Variants in CASP8 observed in about 807,000 individuals in gnomAD.
CASP8 encodes the protein caspase 8, also known as caspase-8.
A neutral mutation model predicts 46.3 loss-of-function variants in CASP8; 24 were observed. That is an observed-to-expected ratio of 0.52 (90% CI 0.38 to 0.73). The LOEUF (loss-of-function observed/expected upper bound fraction) is 0.73. CASP8 is among the 30% of genes least tolerant of loss of function. CASP8 has a pLI of 0.00. For synonymous variants in CASP8, 188 were observed against 200.4 expected, an observed-to-expected ratio of 0.94 and a Z score of 0.52; for missense variants, 460 against 559.0, an observed-to-expected ratio of 0.82 and a Z score of 1.79.
intron 2 of CASP8, among the ~76,000 whole-genome samples, chr2:201,249,758 G>A (rs1311907697): frequency 6.6e-6 from 1 of 152,118 alleles, no homozygotes; most frequent in African/African-American, 2.4e-5. Context: ...AGAAAGTAGA[G>A]AGTTCCCATA....
intron 2 of CASP8, among the ~76,000 whole-genome samples, chr2:201,268,930 T>TGA (rs1327169968): frequency 6.8e-6 from 1 of 147,684 alleles, no homozygotes; most frequent in Non-Finnish European, 1.5e-5. Flanking sequence ...TGTGTGTGTG[T>TGA]GTGTGTGTGT....
chr2:201,265,963 GTTTTTTTTGTTTTTTGTGTTTTTT>G (rs1947788275), intron 1 of CASP8, among the ~76,000 whole-genome samples: 1 of 138,094 alleles, frequency 7.2e-6, no homozygotes, highest in Non-Finnish European at 1.5e-5. Flanking sequence ...CCATTGGCTT[GTTTTTTTTGTTTTTTGTGTTTTTT>G]TTTTTTTTGT....
At chr2:201,250,920 A>T (rs1217328661) in intron 2 of CASP8, among the ~76,000 whole-genome samples, 3 of 152,206 alleles carry the variant, frequency 2.0e-5, no homozygotes, top group Non-Finnish European at 4.4e-5. Flanking sequence ...CCCTGTGCTG[A>T]ACCTATTCAC....
At chr2:201,247,059 G>T (rs1276549018) in intron 2 of CASP8, among the ~76,000 whole-genome samples, 1 of 152,058 alleles carries the variant, frequency 6.6e-6, no homozygotes, top group East Asian at 1.9e-4. Flanking sequence ...GCTGGGTGCA[G>T]TGGCAGGCGC....
At chr2:201,285,436 TTAAC>T in intron 8 of CASP8, 119 bp downstream of exon 8, 2 of 1,263,582 alleles carry the variant, frequency 1.6e-6, no homozygotes, top group Non-Finnish European at 2.3e-6. Flanking sequence ...TTAGATCACA[TTAAC>T]AGGTCAGAGA....
chr2:201,272,092 G>T lies in CASP8; in HGVS notation c.411+471G>T, dbSNP rs1249516409. On this transcript the variant is annotated intron_variant, in intron 3 of 8. Coordinates refer to ENST00000673742, the MANE Select transcript of CASP8 (RefSeq NM_001372051.1). The surrounding 1 kb of genome is among the most constrained non-coding windows in gnomAD (Gnocchi z 4.4). ...CTCTGTATAAGTGGTGTGTGTGTCT[G>T]TGTATCTCTGTGTGTGTGTTCTCTG... is the stretch of plus-strand genomic sequence containing the variant. Among the ~76,000 whole-genome samples the T allele has an allele frequency of 6.6e-6, 1 of 151,900 alleles. No homozygotes were observed. Among genetic ancestry groups the T allele is most frequent in the African/African-American group, 2.4e-5 (1 of 41,344 alleles).
At chr2:201,258,144 TG>T, upstream of CASP8, 1 of 1,444,036 alleles carries the variant, frequency 6.9e-7, no homozygotes, top group Non-Finnish European at 9.7e-7. Context: ...TGGAGGGAAG[TG>T]TTTTCACAGG....
rs1344190376 is a variant in CASP8, at chr2:201,266,589, C to A, written c.103C>A (p.Gln35Lys). 4 of 1,614,074 alleles carry A rather than the reference C, an allele frequency of 2.5e-6. No individual in the cohort carries two copies. Among genetic ancestry groups the A allele is most frequent in the Non-Finnish European group, 2.5e-6 (3 of 1,180,022 alleles). Residue 35 changes from glutamine to lysine, a missense_variant, in exon 2 of 9, where the codon CAA becomes AAA. Physicochemically the swap from Gln to Lys is moderately conservative, Grantham distance 53. Coordinates refer to ENST00000673742, the MANE Select transcript of CASP8 (RefSeq NM_001372051.1). The surrounding 1 kb of genome is among the most constrained non-coding windows in gnomAD (Gnocchi z 5.7). ...CCTGGACTACATTCCGCAAAGGAAGCAAGAACCCATCAAGGATGCCTTGAT... is the reference window on the plus strand; with the variant it reads ...CCTGGACTACATTCCGCAAAGGAAGAAAGAACCCATCAAGGATGCCTTGAT... The part of the protein sequence containing the change: ...LSLDYIPQRK[Q>K]EPIKDALMLF...
upstream of CASP8, chr2:201,258,282 C>G (rs892658580): frequency 1.1e-5 from 18 of 1,613,920 alleles, 1 homozygote; most frequent in Non-Finnish European, 1.4e-5. Context: ...AAAGAAACTT[C>G]TTCCTGGGAG....
In CASP8 at chr2:201,266,399, T is replaced by C; in HGVS notation, c.-26-62T>C. The C allele has an allele frequency of 1.5e-6, 2 of 1,340,998 alleles. No homozygotes were observed. Among genetic ancestry groups the C allele is most frequent in the East Asian group, 4.7e-5 (2 of 43,002 alleles). The allele number at this position is 1,340,998 out of a possible 1,614,324, so 83.1% of individuals were successfully genotyped here. A position where few individuals can be genotyped will look rare whatever the true frequency, so the allele number is the denominator to read the frequency against. On this transcript the variant is annotated intron_variant, in intron 1 of 8. Coordinates refer to ENST00000673742, the MANE Select transcript of CASP8 (RefSeq NM_001372051.1). This position sits in a 1 kb window ranked among gnomAD's most constrained non-coding sequence, Gnocchi z 5.7. ...ACCTAGTAGTTGCAGTAGCCTTTGA[T>C]GAACAAGCCAGCAAATGGTACTTTT...
At chr2:201,236,445 C>T (rs1187690653) in intron 2 of CASP8, among the ~76,000 whole-genome samples, 2 of 152,156 alleles carry the variant, frequency 1.3e-5, no homozygotes, top group East Asian at 1.9e-4. Context: ...AGTCAAAGAT[C>T]TAACTCCCCA....
rs556982625 is a variant in CASP8, at chr2:201,234,755, G to A, written c.-27+643G>A. On this transcript the variant is annotated intron_variant, in intron 2 of 6. Coordinates refer to the CASP8 transcript ENST00000264274. ...ATTACAGGCCTGAGCCACTGCACCC[G>A]GCTGATTTCACATTTTTAGATAATA... Among the ~76,000 whole-genome samples, 318 of 151,962 alleles carry A rather than the reference G, an allele frequency of 2.1e-3. 1 individual carries two copies. Among genetic ancestry groups the A allele is most frequent in the Admixed American group, 2.5e-3 (38 of 15,274 alleles).
intron 2 of CASP8, among the ~76,000 whole-genome samples, chr2:201,246,732 C>T (rs1674132578): frequency 6.6e-6 from 1 of 152,172 alleles, no homozygotes; most frequent in African/African-American, 2.4e-5. Flanking sequence ...CCCAACCCTC[C>T]CACACCACTT....
At chr2:201,282,606 G>T (rs1949153373) in intron 7 of CASP8, among the ~76,000 whole-genome samples, 1 of 93,716 alleles carries the variant, frequency 1.1e-5, no homozygotes, top group African/African-American at 3.4e-5. Flanking sequence ...CGGCTGGCCA[G>T]GCAGAGGGGC....
At chr2:201,257,672 G>T (rs921165623), upstream of CASP8, among the ~76,000 whole-genome samples, 3 of 152,178 alleles carry the variant, frequency 2.0e-5, no homozygotes, top group African/African-American at 7.2e-5. Flanking sequence ...GCCAAGTAGG[G>T]CTGAGCCAGA....
chr2:201,247,174 G>C (rs922717276), intron 2 of CASP8, among the ~76,000 whole-genome samples: 40 of 128,194 alleles, frequency 3.1e-4, no homozygotes, highest in African/African-American at 1.1e-3. Context: ...GGGCGGCAGA[G>C]TGAGACTGTC....
In CASP8 at chr2:201,272,688, A is replaced by C. The variant is rs552567145; in HGVS notation, c.462A>C (p.Glu154Asp). The C allele has an allele frequency of 6.2e-6, 10 of 1,614,098 alleles. No individual in the cohort carries two copies. In the South Asian group the frequency reaches 1.1e-4, roughly 18 times the overall value. ...IEMEKRVILG[E>D]GKLDILKRVC... ...TGGAGAAGAGGGTCATCCTGGGAGA[A>C]GGAAAGTTGGACATCCTGAAAAGAG... Residue 154 changes from glutamate to aspartate, a missense_variant, in exon 4 of 9, where the codon GAA (glutamate) becomes GAC (aspartate). Transcript: ENST00000673742. This position sits in a 1 kb window ranked among gnomAD's most constrained non-coding sequence, Gnocchi z 4.4.
At chr2:201,250,930 C>T (rs1200911916) in intron 2 of CASP8, among the ~76,000 whole-genome samples, 1 of 152,226 alleles carries the variant, frequency 6.6e-6, no homozygotes, top group African/African-American at 2.4e-5. Context: ...AACCTATTCA[C>T]ACTTCCTCCC....
At chr2:201,258,140 G>C (rs950849054), upstream of CASP8, 4 of 1,406,692 alleles carry the variant, frequency 2.8e-6, no homozygotes, top group African/African-American at 4.2e-5. Context: ...CTGCTGGAGG[G>C]AAGTGTTTTC....
Sources: gnomAD v4.1 joint callset for allele counts (sites outside exome capture counted in the v4.1 genomes callset) on GRCh38, gnomAD v4.1.1 for gene constraint, Gnocchi (gnomAD v3.1) non-coding constraint, MANE v1.5 for transcripts, NCBI Gene and HGNC (gene_info 2026-07-23, HGNC 2026-07-21) for gene names.